Variants in GBE1 observed in about 807,000 individuals in gnomAD.
GBE1 encodes the protein 1,4-alpha-glucan-branching enzyme.
GBE1 carries 70 observed loss-of-function variants against 88.8 expected under a neutral mutation model. The observed-to-expected ratio is 0.79, with a 90% CI of 0.65 to 0.96. The LOEUF (loss-of-function observed/expected upper bound fraction) is 0.96, where lower values mean the gene tolerates loss of function less well. Among genes scored for constraint, GBE1 ranks in the 40% least tolerant of loss-of-function variants. The pLI is 0.00. For missense variants in GBE1, 872 were observed against 871.0 expected (o/e 1.00, Z -0.01); for synonymous variants, 284 against 300.1 (o/e 0.95, Z 0.56).
chr3:81,558,558 C>T (rs1261202515), intron 12 of GBE1, among the ~76,000 whole-genome samples: 1 of 151,944 alleles, frequency 6.6e-6, no homozygotes, highest in Non-Finnish European at 1.5e-5. Context: ...ATTATATCAG[C>T]TTCTTACAAT....
In GBE1 at chr3:81,657,611, A is replaced by G. The variant is rs137950211; in HGVS notation, c.430-7690T>C. Among the ~76,000 whole-genome samples, 43 of 152,246 alleles carry G rather than the reference A, an allele frequency of 2.8e-4. No homozygotes were observed. The East Asian group carries it at 7.5e-3, about 27-fold the overall frequency. Reference sequence around the variant, plus strand: ...AAACTGTACATAGTTAATCGGTAAGATTATATAAATTAGGGTAATATTTAG... The same window carrying G: ...AAACTGTACATAGTTAATCGGTAAGGTTATATAAATTAGGGTAATATTTAG... On this transcript the variant is annotated intron_variant, in intron 3 of 15. Coordinates refer to ENST00000429644, the MANE Select transcript of GBE1 (RefSeq NM_000158.4).
chr3:81,535,161 G>A (rs1474807504), intron 14 of GBE1, 34 bp downstream of exon 14: 1 of 1,556,392 alleles, frequency 6.4e-7, no homozygotes, highest in Non-Finnish European at 8.7e-7. Flanking sequence ...AAGTGAATGT[G>A]GACAGTCATA....
intron 1 of GBE1, among the ~76,000 whole-genome samples, chr3:81,736,905 T>C (rs1706263652): frequency 6.6e-6 from 1 of 152,094 alleles, no homozygotes; most frequent in Non-Finnish European, 1.5e-5. Flanking sequence ...TATAAACAGA[T>C]TTACCTTTTT....
chr3:81,648,877 G>T lies in GBE1; in HGVS notation c.670C>A (p.Leu224Ile). 2 of 1,570,724 alleles carry T rather than the reference G, an allele frequency of 1.3e-6. No homozygotes were observed. Among genetic ancestry groups the T allele is most frequent in the African/African-American group, 1.4e-5 (1 of 72,822 alleles). The change falls in exon 5 of 16, where the codon CTA becomes ATA. Residue 224 changes from leucine (L) to isoleucine (I), a missense_variant. Leu to Ile is a conservative substitution (Grantham distance 5). Coordinates refer to ENST00000429644, the MANE Select transcript of GBE1 (RefSeq NM_000158.4). Reference sequence around the variant, plus strand: ...TTACCAAGGCCTTTGATTCTTGGTAGTACATTGCATGTAAAATGTTTATAA... The same window carrying T: ...TTACCAAGGCCTTTGATTCTTGGTATTACATTGCATGTAAAATGTTTATAA... Reference protein sequence around the residue: ...ASYKHFTCNVLPRIKGLGYNC... With the variant: ...ASYKHFTCNVIPRIKGLGYNC...
At chr3:81,633,977 C>A (rs1176557299) in intron 7 of GBE1, among the ~76,000 whole-genome samples, 1 of 152,086 alleles carries the variant, frequency 6.6e-6, no homozygotes, top group Non-Finnish European at 1.5e-5. Flanking sequence ...AAAATGTGGG[C>A]TCCTGACTTA....
intron 14 of GBE1, among the ~76,000 whole-genome samples, chr3:81,513,441 C>G (rs1702751347): frequency 6.6e-6 from 1 of 151,304 alleles, no homozygotes; most frequent in Non-Finnish European, 1.5e-5. Flanking sequence ...AATCAAAAAA[C>G]AAAACACTAT....
chr3:81,668,809 C>T (rs1705149695), intron 3 of GBE1, among the ~76,000 whole-genome samples: 1 of 152,156 alleles, frequency 6.6e-6, no homozygotes, highest in African/African-American at 2.4e-5. Context: ...CCCATCCTGC[C>T]TCTTCCACAC....
At chr3:81,659,502 ATTTTTT>A (rs35138103) in intron 3 of GBE1, among the ~76,000 whole-genome samples, 1 of 127,052 alleles carries the variant, frequency 7.9e-6, no homozygotes, top group Admixed American at 7.9e-5. Flanking sequence ...CGCCCGGCTA[ATTTTTT>A]TTTTTTTTTT....
rs530798197 is a variant in GBE1, at chr3:81,713,581, G to A, written c.144-7968C>T. Among the ~76,000 whole-genome samples, 12 of 152,278 alleles carry A rather than the reference G, an allele frequency of 7.9e-5. No homozygotes were observed. The East Asian group carries it at 1.9e-3, about 24-fold the overall frequency. On this transcript the variant is annotated intron_variant, in intron 1 of 15. Coordinates refer to ENST00000429644, the MANE Select transcript of GBE1 (RefSeq NM_000158.4). ...TTAATAAAGTATTTATTAAGTAAACGATTAAGCACAGATATTGGCAGATCC... is the reference window on the plus strand; with the variant it reads ...TTAATAAAGTATTTATTAAGTAAACAATTAAGCACAGATATTGGCAGATCC...
At chr3:81,505,774 G>A (rs111233795) in intron 14 of GBE1, among the ~76,000 whole-genome samples, 8 of 152,002 alleles carry the variant, frequency 5.3e-5, no homozygotes, top group African/African-American at 1.7e-4. Flanking sequence ...GTGTATTTGT[G>A]TATCTTATTT....
At chr3:81,632,410 C>A (rs952784827) in intron 7 of GBE1, among the ~76,000 whole-genome samples, 2 of 152,154 alleles carry the variant, frequency 1.3e-5, no homozygotes, top group African/African-American at 2.4e-5. Context: ...TATGAACAGA[C>A]ACTTTTCAAA....
chr3:81,595,473 T>C (rs1196221381), intron 7 of GBE1, among the ~76,000 whole-genome samples: 1 of 151,904 alleles, frequency 6.6e-6, no homozygotes, highest in Non-Finnish European at 1.5e-5. Context: ...TCCCCAAGCA[T>C]ATATCGATAT....
intron 14 of GBE1, among the ~76,000 whole-genome samples, chr3:81,529,626 C>T (rs139718704): frequency 0.025 from 3,741 of 151,810 alleles, 61 homozygotes; most frequent in Non-Finnish European, 0.035. Flanking sequence ...ACTTTAAGTA[C>T]GCCATGCCAC....
At chr3:81,518,412 A>C (rs115184201) in intron 14 of GBE1, among the ~76,000 whole-genome samples, 1,606 of 151,642 alleles carry the variant, frequency 0.011, 25 homozygotes, top group African/African-American at 0.036. Flanking sequence ...GGACTTGCTC[A>C]CTATTCATTA....
intron 7 of GBE1, chr3:81,612,546 G>A: frequency 1.2e-6 from 1 of 816,132 alleles, no homozygotes; most frequent in South Asian, 1.3e-5. Flanking sequence ...GCGAACACTG[G>A]TGGATGGTTG....
intron 5 of GBE1, among the ~76,000 whole-genome samples, chr3:81,647,218 A>G (rs1559675001): frequency 6.6e-6 from 1 of 152,204 alleles, no homozygotes; most frequent in African/African-American, 2.4e-5. Context: ...TCAGCCTCCC[A>G]AAGTGCTGGG....
chr3:81,733,456 C>CA lies in GBE1; in HGVS notation c.144-27844dup, dbSNP rs1202615626. Among the ~76,000 whole-genome samples, 1 of 152,146 alleles carries CA rather than the reference C, an allele frequency of 6.6e-6. No individual in the cohort carries two copies. Among genetic ancestry groups the CA allele is most frequent in the Non-Finnish European group, 1.5e-5 (1 of 68,026 alleles). ...CATCCCAAAACAATCCCCTGCCCCC[C>CA]ATTCATGGAAAAATTGTCTTCCACA... On this transcript the variant is annotated intron_variant, in intron 1 of 15. Transcript: ENST00000429644. The surrounding 1 kb of genome is among the most constrained non-coding windows in gnomAD (Gnocchi z 4.0).
At chr3:81,600,542 T>C (rs1175781236) in intron 7 of GBE1, among the ~76,000 whole-genome samples, 1 of 152,058 alleles carries the variant, frequency 6.6e-6, no homozygotes, top group Non-Finnish European at 1.5e-5. Context: ...AAAAAATAAA[T>C]TAGAATAAAG....
At chr3:81,633,802 G>A (rs1035461976) in intron 7 of GBE1, among the ~76,000 whole-genome samples, 9 of 152,246 alleles carry the variant, frequency 5.9e-5, no homozygotes, top group African/African-American at 2.2e-4. Flanking sequence ...TTGGTAGTTT[G>A]GTAGAATCTG....
Sources: allele counts gnomAD v4.1 joint callset (sites outside exome capture counted in the v4.1 genomes callset), GRCh38; gene constraint gnomAD v4.1.1; non-coding constraint Gnocchi (gnomAD v3.1); transcripts MANE v1.5; gene names NCBI Gene and HGNC (gene_info 2026-07-23, HGNC 2026-07-21).